The following PRKN variants were observed in gnomAD, a reference collection of about 807,000 sequenced individuals.
PRKN encodes the protein parkin RBR E3 ubiquitin protein ligase.
PRKN carries 56 observed loss-of-function variants against 59.5 expected under a neutral mutation model. The observed-to-expected ratio is 0.94, with a 90% CI of 0.76 to 1.18. The LOEUF (loss-of-function observed/expected upper bound fraction) is 1.18. Ranked by LOEUF, PRKN falls within the 50% of genes most tolerant of loss-of-function variation. The probability of loss-of-function intolerance (pLI) is 0.00; values close to 1 mark genes in which losing one functional copy is unlikely to be tolerated. For missense variants in PRKN, 657 were observed against 596.4 expected (o/e 1.10, Z -1.06); for synonymous variants, 250 against 222.1 (o/e 1.13, Z -1.12).
chr6:162,643,412 A>AG (rs1554257306), intron 1 of PRKN, among the ~76,000 whole-genome samples: 7 of 139,612 alleles, frequency 5.0e-5, no homozygotes, highest in Non-Finnish European at 9.2e-5. Flanking sequence ...AAAAAAAAAA[A>AG]AAAGAAAGAA....
At chr6:161,831,905 A>C (rs1181473326) in intron 6 of PRKN, among the ~76,000 whole-genome samples, 1 of 152,216 alleles carries the variant, frequency 6.6e-6, no homozygotes, top group African/African-American at 2.4e-5. Flanking sequence ...AGCAGCAGCC[A>C]CTTTGGGCCA....
intron 1 of PRKN, among the ~76,000 whole-genome samples, chr6:162,581,233 T>G (rs528176378): frequency 1.3e-5 from 2 of 152,330 alleles, no homozygotes; most frequent in African/African-American, 4.8e-5. Context: ...AAGAGACAGT[T>G]AGATTCATTC....
At chr6:162,046,889 T>G (rs961116063) in intron 5 of PRKN, among the ~76,000 whole-genome samples, 1 of 125,180 alleles carries the variant, frequency 8.0e-6, no homozygotes, top group Middle Eastern at 4.0e-3. Context: ...ATCTTCTAAT[T>G]TTAACCTTAA....
intron 1 of PRKN, among the ~76,000 whole-genome samples, chr6:162,627,307 G>C (rs542535211): frequency 5.9e-5 from 9 of 152,164 alleles, no homozygotes; most frequent in Non-Finnish European, 1.2e-4. Flanking sequence ...CCAGAATAGA[G>C]GGCATTCAAT....
chr6:162,306,170 T>C (rs1340953610), intron 2 of PRKN, among the ~76,000 whole-genome samples: 1 of 152,166 alleles, frequency 6.6e-6, no homozygotes. Context: ...AAAAGAATTC[T>C]ACAAGAAGTA....
intron 1 of PRKN, among the ~76,000 whole-genome samples, chr6:162,465,141 G>GCAT (rs1283293466): frequency 6.6e-6 from 1 of 152,134 alleles, no homozygotes; most frequent in African/African-American, 2.4e-5. Context: ...GTCTTACCAA[G>GCAT]CATCACTTCT....
chr6:161,693,858 A>G (rs1419236897), intron 7 of PRKN, among the ~76,000 whole-genome samples: 1 of 152,258 alleles, frequency 6.6e-6, no homozygotes, highest in Admixed American at 6.5e-5. Flanking sequence ...ATCAATGCAG[A>G]GAAATAGCTC....
rs186411562 is a variant in PRKN, at chr6:161,962,548, T to G, written c.734+10754A>C. 1.1e-3 allele frequency among the ~76,000 whole-genome samples: 160 copies of G among 151,366 alleles called. 2 individuals are homozygous for G. The East Asian group carries it at 0.027, about 26-fold the overall frequency. On this transcript the variant is annotated intron_variant, in intron 6 of 11. Transcript: ENST00000366898. ...CTTCAGGAATGTAGCACCTTTTTTT[T>G]TTTTTTTTTTGAGACGGAGTCTCGC...
rs376501358 is a variant in PRKN, at chr6:161,843,816, C to T, written c.735-57908G>A. On this transcript the variant is annotated intron_variant, in intron 6 of 11. Coordinates refer to ENST00000366898, the MANE Select transcript of PRKN (RefSeq NM_004562.3). ...AAATAAATTCATTCATTCATTCATGCATTCATTCATTCCATAGTACAGCTA... is the reference window on the plus strand; with the variant it reads ...AAATAAATTCATTCATTCATTCATGTATTCATTCATTCCATAGTACAGCTA... Among the ~76,000 whole-genome samples, 13 of 152,252 alleles carry T rather than the reference C, an allele frequency of 8.5e-5. No individual in the cohort carries two copies. The South Asian group carries it at 2.7e-3, about 32-fold the overall frequency.
intron 6 of PRKN, among the ~76,000 whole-genome samples, chr6:161,838,311 G>A (rs905639421): frequency 1.3e-5 from 2 of 152,182 alleles, no homozygotes; most frequent in Non-Finnish European, 2.9e-5. Context: ...TGAAAACTCA[G>A]TGTTACCCAT....
rs913671519 is a variant in PRKN at position 161,417,558 on chromosome 6, A to C, written c.1084-30681T>G. Among the ~76,000 whole-genome samples, 1 of 151,968 alleles carries C rather than the reference A, an allele frequency of 6.6e-6. No individual in the cohort carries two copies. Among genetic ancestry groups the C allele is most frequent in the African/African-American group, 2.4e-5 (1 of 41,356 alleles). On this transcript the variant is annotated intron_variant, in intron 9 of 11. Transcript: ENST00000366898. This position sits in a 1 kb window ranked among gnomAD's most constrained non-coding sequence, Gnocchi z 5.4. ...GTGTATAAATGTACCTTCTCCCATA[A>C]CTCTGAGAATGGGGTTTGTGTCTTA...
At chr6:161,383,030 T>C (rs2114933427) in intron 10 of PRKN, among the ~76,000 whole-genome samples, 1 of 152,340 alleles carries the variant, frequency 6.6e-6, no homozygotes, top group African/African-American at 2.4e-5. Context: ...GGTATTTAGT[T>C]ATTATTAGCA....
chr6:162,455,177 A>G (rs1017125092), intron 1 of PRKN, among the ~76,000 whole-genome samples: 1 of 152,150 alleles, frequency 6.6e-6, no homozygotes, highest in South Asian at 2.1e-4. Flanking sequence ...ACGGTATCTT[A>G]TATCACCCAG....
chr6:162,138,952 G>A (rs1052248330), intron 4 of PRKN, among the ~76,000 whole-genome samples: 2 of 152,098 alleles, frequency 1.3e-5, no homozygotes, highest in Admixed American at 6.6e-5. Context: ...AAATAACAAG[G>A]GGAGATAAAG....
chr6:162,096,033 G>A (rs1001657211), intron 4 of PRKN, among the ~76,000 whole-genome samples: 1 of 152,176 alleles, frequency 6.6e-6, no homozygotes, highest in Non-Finnish European at 1.5e-5. Context: ...TACAGGGAAC[G>A]TACTTACTCC....
intron 1 of PRKN, among the ~76,000 whole-genome samples, chr6:162,511,876 A>G (rs1415286940): frequency 6.6e-6 from 1 of 152,216 alleles, no homozygotes; most frequent in Non-Finnish European, 1.5e-5. Flanking sequence ...AATTTTTAAT[A>G]ATTTAAAAGT....
intron 3 of PRKN, among the ~76,000 whole-genome samples, chr6:162,202,323 C>T (rs1296130511): frequency 1.3e-5 from 2 of 152,044 alleles, no homozygotes; most frequent in Non-Finnish European, 1.5e-5. Context: ...AGCTTCATTT[C>T]CCGAATTTAC....
intron 5 of PRKN, among the ~76,000 whole-genome samples, chr6:161,975,330 C>T (rs747732474): frequency 3.3e-5 from 5 of 152,090 alleles, no homozygotes; most frequent in Non-Finnish European, 2.9e-5. Context: ...GATCTGCCTG[C>T]CTTGGCCTCC....
intron 9 of PRKN, among the ~76,000 whole-genome samples, chr6:161,430,814 C>CAAAAAAAAAAAAAA: frequency 1.7e-5 from 1 of 58,340 alleles, no homozygotes; most frequent in Non-Finnish European, 3.0e-5. Context: ...GACTCCGTCT[C>CAAAAAAAAAAAAAA]AAAAAAAAAA....
Sources: allele counts gnomAD v4.1 joint callset (sites outside exome capture counted in the v4.1 genomes callset), GRCh38; gene constraint gnomAD v4.1.1; non-coding constraint Gnocchi (gnomAD v3.1); transcripts MANE v1.5; gene names NCBI Gene and HGNC (gene_info 2026-07-23, HGNC 2026-07-21).